RALGPS1: variants seen among roughly 807,000 people sequenced by gnomAD.
RALGPS1 encodes the protein ras-specific guanine nucleotide-releasing factor RalGPS1.
A neutral mutation model predicts 78.8 loss-of-function variants in RALGPS1; 19 were observed. The observed-to-expected ratio is 0.24, with a 90% CI of 0.17 to 0.35. The LOEUF (loss-of-function observed/expected upper bound fraction) is 0.35. Among genes scored for constraint, RALGPS1 ranks in the 10% least tolerant of loss-of-function variants. The pLI is 1.00. For missense variants in RALGPS1, 454 were observed against 688.3 expected, an observed-to-expected ratio of 0.66 and a Z score of 3.81; for synonymous variants, 228 against 256.3, an observed-to-expected ratio of 0.89 and a Z score of 1.06.
intron 8 of RALGPS1, among the ~76,000 whole-genome samples, chr9:127,154,351 G>A (rs975952756): frequency 5.3e-5 from 8 of 152,226 alleles, no homozygotes; most frequent in Admixed American, 1.3e-4. Context: ...AGTAGGAGGA[G>A]CCCCTGCCCA....
chr9:127,012,043 G>A (rs2044392471), intron 4 of RALGPS1, among the ~76,000 whole-genome samples: 1 of 152,172 alleles, frequency 6.6e-6, no homozygotes. Flanking sequence ...GGGCCCAATT[G>A]CAGGGTGTGG....
chr9:127,095,753 T>C (rs2136585649), intron 8 of RALGPS1, among the ~76,000 whole-genome samples: 1 of 152,354 alleles, frequency 6.6e-6, no homozygotes, highest in South Asian at 2.1e-4. Flanking sequence ...GGCTGGTGTT[T>C]GGGCTCAACT....
chr9:126,943,854 C>T (rs553424217), intron 1 of RALGPS1, among the ~76,000 whole-genome samples: 1 of 152,354 alleles, frequency 6.6e-6, no homozygotes, highest in East Asian at 1.9e-4. Flanking sequence ...AGGGCCAGGA[C>T]TCAATGCTGT....
At chr9:127,114,151 T>G (rs1264833716) in intron 8 of RALGPS1, among the ~76,000 whole-genome samples, 1 of 152,246 alleles carries the variant, frequency 6.6e-6, no homozygotes, top group Non-Finnish European at 1.5e-5. Context: ...AGGGCCGCCA[T>G]GCATGGTGGC....
chr9:126,950,235 A>G (rs1564294866), intron 1 of RALGPS1, among the ~76,000 whole-genome samples: 1 of 152,184 alleles, frequency 6.6e-6, no homozygotes, highest in Non-Finnish European at 1.5e-5. Flanking sequence ...TATAGTTTGA[A>G]GTCAGGTAGT....
At chr9:127,173,604 T>G (rs2059677626) in intron 10 of RALGPS1, among the ~76,000 whole-genome samples, 1 of 152,190 alleles carries the variant, frequency 6.6e-6, no homozygotes, top group African/African-American at 2.4e-5. Context: ...ACCCAGAAGT[T>G]CCTATTCGGT....
chr9:127,093,921 A>G (rs371457775), intron 8 of RALGPS1: 28 of 1,613,404 alleles, frequency 1.7e-5, no homozygotes, highest in South Asian at 4.4e-5. Context: ...CAGTCTCTCC[A>G]TGGGCCTGGG....
chr9:127,088,571 A>G, intron 8 of RALGPS1: 1 of 268,190 alleles, frequency 3.7e-6, no homozygotes, highest in Non-Finnish European at 7.2e-6. Context: ...TGTATATCTA[A>G]ATGCATATAT....
intron 5 of RALGPS1, among the ~76,000 whole-genome samples, chr9:127,046,672 CAAAA>C (rs71377987): frequency 2.5e-5 from 1 of 40,448 alleles, no homozygotes; most frequent in South Asian, 8.3e-4. Flanking sequence ...CCCATCCATA[CAAAA>C]AAAAAAAAAA....
intron 4 of RALGPS1, among the ~76,000 whole-genome samples, chr9:127,001,958 G>T (rs566358816): frequency 6.6e-6 from 1 of 152,154 alleles, no homozygotes; most frequent in East Asian, 1.9e-4. Flanking sequence ...ATGATAATCT[G>T]TTAAAGTCTA....
chr9:127,125,931 C>CCTGAAAAAA (rs576776832), intron 8 of RALGPS1, among the ~76,000 whole-genome samples: 197 of 152,270 alleles, frequency 1.3e-3, no homozygotes, highest in Admixed American at 9.3e-3. Flanking sequence ...ACCTTCCTGA[C>CCTGAAAAAA]AGTTGCAGGT....
At chr9:127,010,227 C>G (rs1172032868) in intron 4 of RALGPS1, among the ~76,000 whole-genome samples, 1 of 152,082 alleles carries the variant, frequency 6.6e-6, no homozygotes, top group Non-Finnish European at 1.5e-5. Flanking sequence ...TGGCCAGGCT[C>G]TAGTTGTTCA....
Position 127,136,952 on chromosome 9 carries a change from G to A in RALGPS1, c.611-29117G>A, listed in dbSNP as rs532522511. 3.3e-5 allele frequency among the ~76,000 whole-genome samples: 5 copies of A among 152,256 alleles called. No homozygotes were observed. In the East Asian group the frequency reaches 9.7e-4, roughly 29 times the overall value. ...GACATGGGAACCGGTAGACTCAAGT[G>A]TAGAGACAACCTCACTGGTGGCTAG... On this transcript the variant is annotated intron_variant, in intron 8 of 18. Coordinates refer to ENST00000259351, the MANE Select transcript of RALGPS1 (RefSeq NM_014636.3).
intron 4 of RALGPS1, chr9:126,989,872 G>C: frequency 1.3e-6 from 2 of 1,549,772 alleles, no homozygotes; most frequent in Non-Finnish European, 1.7e-6. Flanking sequence ...AGCATCTGTT[G>C]GGTCCTTTTC....
At chr9:127,124,477 C>T (rs2137909271) in intron 8 of RALGPS1, among the ~76,000 whole-genome samples, 1 of 152,286 alleles carries the variant, frequency 6.6e-6, no homozygotes, top group African/African-American at 2.4e-5. Context: ...TGTTGAGGCC[C>T]CACACACTGG....
chr9:127,112,712 C>T (rs891446289), intron 8 of RALGPS1, among the ~76,000 whole-genome samples: 11 of 152,206 alleles, frequency 7.2e-5, no homozygotes, highest in Admixed American at 2.0e-4. Context: ...GCATCAGAAG[C>T]GGGAGATTGG....
intron 8 of RALGPS1, chr9:127,092,073 C>T (rs2052551829): frequency 1.9e-6 from 2 of 1,064,196 alleles, no homozygotes; most frequent in Non-Finnish European, 2.7e-6. Context: ...CTGGTTCAGA[C>T]CCCTACTCCA....
intron 8 of RALGPS1, among the ~76,000 whole-genome samples, chr9:127,133,529 G>A (rs1427589867): frequency 2.6e-5 from 4 of 152,158 alleles, no homozygotes; most frequent in African/African-American, 9.7e-5. Flanking sequence ...GCTGTGGGTG[G>A]GGTGGACCCA....
At chr9:127,144,460 A>G (rs1222726135) in intron 8 of RALGPS1, among the ~76,000 whole-genome samples, 1 of 152,246 alleles carries the variant, frequency 6.6e-6, no homozygotes, top group Non-Finnish European at 1.5e-5. Flanking sequence ...TCAAAAATTT[A>G]AGTAAAAAAT....
Sources: allele counts gnomAD v4.1 joint callset (sites outside exome capture counted in the v4.1 genomes callset), GRCh38; gene constraint gnomAD v4.1.1; transcripts MANE v1.5; gene names NCBI Gene and HGNC (gene_info 2026-07-23, HGNC 2026-07-21).